NXPE2: variants seen among roughly 807,000 people sequenced by gnomAD.
NXPE2 encodes the protein neurexophilin and PC-esterase domain family member 2.
In NXPE2, 34 loss-of-function variants were observed where a neutral mutation model predicts 34.4. That is an observed-to-expected ratio of 0.99 (90% CI 0.75 to 1.31). The LOEUF is 1.31. Ranked by LOEUF, NXPE2 falls within the 40% of genes most tolerant of loss-of-function variation. The pLI, the probability that NXPE2 is intolerant of heterozygous loss-of-function variation, is 0.00. For missense variants in NXPE2, 649 were observed against 672.5 expected (o/e 0.97, Z 0.39); for synonymous variants, 235 against 231.3 (o/e 1.02, Z -0.15).
At chr11:114,468,694 C>T in the NXPE2 span, among the ~76,000 whole-genome samples, 1 of 152,182 alleles carries the variant, frequency 6.6e-6, no homozygotes, top group Non-Finnish European at 1.5e-5. Context: ...GTCCCCACAA[C>T]AGATTATCAG....
At chr11:114,602,768 TA>T in the NXPE2 span, among the ~76,000 whole-genome samples, 14 of 144,938 alleles carry the variant, frequency 9.7e-5, no homozygotes, top group Admixed American at 2.8e-4. Flanking sequence ...ATCTCATATA[TA>T]ATTACAGAAT....
the NXPE2 span, chr11:114,530,731 T>C: frequency 2.5e-6 from 4 of 1,614,080 alleles, no homozygotes; most frequent in African/African-American, 5.3e-5. Flanking sequence ...GTGGTGGTGT[T>C]CACATGGGTG....
At chr11:114,739,494 A>G in the NXPE2 span, among the ~76,000 whole-genome samples, 1 of 151,218 alleles carries the variant, frequency 6.6e-6, no homozygotes, top group African/African-American at 2.4e-5. Context: ...TAAAATTTGT[A>G]TATATTTAAG....
the NXPE2 span, among the ~76,000 whole-genome samples, chr11:114,789,652 A>C: frequency 6.6e-6 from 1 of 152,194 alleles, no homozygotes; most frequent in Admixed American, 6.5e-5. Flanking sequence ...ATGGGAAAAG[A>C]GGGTTAGTTG....
chr11:114,735,453 C>T, the NXPE2 span, among the ~76,000 whole-genome samples: 5 of 152,098 alleles, frequency 3.3e-5, no homozygotes, highest in Admixed American at 2.6e-4. Context: ...AGAATGTGGG[C>T]AAATCACTTA....
chr11:114,616,193 G>A, the NXPE2 span, among the ~76,000 whole-genome samples: 2 of 151,480 alleles, frequency 1.3e-5, no homozygotes, highest in Non-Finnish European at 2.9e-5. Context: ...AATGTCTCAT[G>A]AGTAACTGCT....
the NXPE2 span, among the ~76,000 whole-genome samples, chr11:114,755,736 A>ATCTCTCTC: frequency 1.7e-3 from 256 of 148,290 alleles, 1 homozygote; most frequent in African/African-American, 4.8e-3. Context: ...CTCTTCACCC[A>ATCTCTCTC]TCTCTCTCTC....
chr11:114,647,838 A>G, the NXPE2 span, among the ~76,000 whole-genome samples: 1 of 151,856 alleles, frequency 6.6e-6, no homozygotes, highest in South Asian at 2.1e-4. Context: ...AGTAGCTAAG[A>G]TTACAGGTGC....
At chr11:114,626,417 C>A in the NXPE2 span, among the ~76,000 whole-genome samples, 2 of 152,128 alleles carry the variant, frequency 1.3e-5, no homozygotes, top group Non-Finnish European at 2.9e-5. Context: ...CAGGGGCAGA[C>A]TGACACCTCA....
At chr11:114,534,189 C>T in the NXPE2 span, among the ~76,000 whole-genome samples, 1 of 152,190 alleles carries the variant, frequency 6.6e-6, no homozygotes, top group Non-Finnish European at 1.5e-5. Context: ...TGGAGTGGAC[C>T]TCCAGTAAAC....
chr11:114,501,125 G>A, the NXPE2 span, among the ~76,000 whole-genome samples: 7 of 152,218 alleles, frequency 4.6e-5, no homozygotes, highest in South Asian at 1.4e-3. Context: ...ATTCACCTGG[G>A]TAGGAATGTC....
chr11:114,791,930 C>T, the NXPE2 span, among the ~76,000 whole-genome samples: 1 of 152,022 alleles, frequency 6.6e-6, no homozygotes, highest in Non-Finnish European at 1.5e-5. Context: ...TGGTGGTGGG[C>T]GCCTGTAGTC....
At chr11:114,515,350 A>G in the NXPE2 span, among the ~76,000 whole-genome samples, 2 of 152,224 alleles carry the variant, frequency 1.3e-5, no homozygotes, top group Non-Finnish European at 2.9e-5. Flanking sequence ...GTAATGTACA[A>G]GATCTAGAGA....
the NXPE2 span, among the ~76,000 whole-genome samples, chr11:114,469,226 C>T: frequency 5.3e-3 from 789 of 148,786 alleles, 7 homozygotes; most frequent in African/African-American, 0.018. Flanking sequence ...ATTCTCCTGC[C>T]TCAGCCTCCC....
chr11:114,553,713 T>A, the NXPE2 span: 6 of 985,350 alleles, frequency 6.1e-6, no homozygotes, highest in African/African-American at 1.7e-5. Context: ...TAGCTTGAGC[T>A]CTGCATATCC....
the NXPE2 span, among the ~76,000 whole-genome samples, chr11:114,511,157 T>C: frequency 7.2e-5 from 11 of 152,314 alleles, no homozygotes; most frequent in Admixed American, 3.3e-4. Context: ...ATATGCTTAC[T>C]GGAAAAAATA....
chr11:114,807,904 C>T, the NXPE2 span, among the ~76,000 whole-genome samples: 1 of 152,198 alleles, frequency 6.6e-6, no homozygotes, highest in African/African-American at 2.4e-5. Flanking sequence ...TTTTCATCAC[C>T]ACACCATGCC....
chr11:114,656,442 A>G, the NXPE2 span, among the ~76,000 whole-genome samples: 22 of 152,180 alleles, frequency 1.4e-4, no homozygotes, highest in Non-Finnish European at 2.9e-4. Context: ...TGAATTTCGT[A>G]TGGAATCAAA....
the NXPE2 span, chr11:114,582,702 C>G: frequency 2.5e-6 from 4 of 1,614,126 alleles, no homozygotes; most frequent in Non-Finnish European, 3.4e-6. Context: ...CATCCTGGCC[C>G]TCAGGAAATC....
Sources: gnomAD v4.1 joint callset for allele counts (sites outside exome capture counted in the v4.1 genomes callset) on GRCh38, gnomAD v4.1.1 for gene constraint, MANE v1.5 for transcripts, NCBI Gene and HGNC (gene_info 2026-07-23, HGNC 2026-07-21) for gene names.